Variants in RNASEH2C observed in about 807,000 individuals in gnomAD.
RNASEH2C encodes ribonuclease H2 subunit C, also known as RNase H1 small subunit.
In RNASEH2C, 20 loss-of-function variants were observed where a neutral mutation model predicts 16.3. That is an observed-to-expected ratio of 1.23 (90% CI 0.86 to 1.79). The LOEUF (loss-of-function observed/expected upper bound fraction) is 1.79, where lower values mean the gene tolerates loss of function less well. Ranked by LOEUF, RNASEH2C falls within the 40% of genes most tolerant of loss-of-function variation. RNASEH2C has a pLI of 0.00. For synonymous variants in RNASEH2C, 106 were observed against 98.9 expected, an observed-to-expected ratio of 1.07 and a Z score of -0.43; for missense variants, 296 against 235.9, an observed-to-expected ratio of 1.25 and a Z score of -1.67.
In RNASEH2C at chr11:65,718,799, C is replaced by T. The variant is rs763815597; in HGVS notation, c.*984G>A. ...GGGTACATGGCATGGCTTGTCTGTT[C>T]CTGGGCTTTCTCTCTCAGGGCTCCT... is the stretch of plus-strand genomic sequence containing the variant. On this transcript the variant is annotated 3_prime_UTR_variant, in exon 4 of 4. Coordinates refer to ENST00000308418, the MANE Select transcript of RNASEH2C (RefSeq NM_032193.4). The T allele has an allele frequency of 4.3e-6, 7 of 1,613,732 alleles. No homozygotes were observed. The Admixed American group carries it at 1.0e-4, about 23-fold the overall frequency.
rs1002184159 is a variant in RNASEH2C, at chr11:65,718,371, C to A, written c.*1412G>T. The stretch of plus-strand genomic sequence containing the variant: ...CATGGTTGACTGCAGCTGCTCCTCT[C>A]AGTGCCCTCATGCCCTCCACTGTGC... On this transcript the variant is annotated 3_prime_UTR_variant, in exon 4 of 4. Coordinates refer to ENST00000308418, the MANE Select transcript of RNASEH2C (RefSeq NM_032193.4). The A allele has an allele frequency of 8.9e-5, 47 of 529,150 alleles. No individual in the cohort carries two copies. The highest frequency in any genetic ancestry group is 1.4e-4 in the Non-Finnish European group (41 of 295,254). The allele number at this position is 529,150 out of a possible 1,614,324, so 32.8% of individuals were successfully genotyped here.
rs1412096570 is a variant in RNASEH2C, at chr11:65,719,696, C to G, written c.*87G>C. 4 of 1,430,872 alleles carry G rather than the reference C, an allele frequency of 2.8e-6. No individual in the cohort carries two copies. The East Asian group carries it at 6.8e-5, about 24-fold the overall frequency. The allele number at this position is 1,430,872 out of a possible 1,614,324, so 88.6% of individuals were successfully genotyped here. ...CCAGACTCACAGGTGCTGTGAAGAG[C>G]TCCTTTATTGGGGTGATGGAATCGG... On this transcript the variant is annotated 3_prime_UTR_variant, in exon 4 of 4. Coordinates refer to ENST00000308418, the MANE Select transcript of RNASEH2C (RefSeq NM_032193.4).
chr11:65,719,848 CAG>C (rs760386692), intron 3 of RNASEH2C, 39 bp from the exon 4 acceptor site: 2 of 1,613,728 alleles, frequency 1.2e-6, no homozygotes, highest in South Asian at 1.1e-5. Context: ...ACTTGTAAGA[CAG>C]GGCGGCAAGC....
chr11:65,720,505 G>A, intron 1 of RNASEH2C, 82 bp downstream of exon 1: 1 of 1,571,732 alleles, frequency 6.4e-7, no homozygotes, highest in Non-Finnish European at 8.6e-7. Context: ...GACGGACCAC[G>A]ATCCCCAGGA....
Position 65,718,504 on chromosome 11 carries a change from A to G in RNASEH2C, c.*1279T>C. ...GGCAGGGCCATGATAGGAACTAGGC[A>G]GCCTGCCTTGGCAACCTGTGTTTTT... On this transcript the variant is annotated 3_prime_UTR_variant, in exon 4 of 4. Transcript: ENST00000308418. The G allele has an allele frequency of 7.0e-7, 1 of 1,426,118 alleles. No individual in the cohort carries two copies. Among genetic ancestry groups the G allele is most frequent in the Non-Finnish European group, 9.7e-7 (1 of 1,035,826 alleles). The allele number at this position is 1,426,118 out of a possible 1,614,324, so 88.3% of individuals were successfully genotyped here. A position where few individuals can be genotyped will look rare whatever the true frequency, so the allele number is the denominator to read the frequency against.
chr11:65,719,511 A>T lies in RNASEH2C; in HGVS notation c.*272T>A. On this transcript the variant is annotated 3_prime_UTR_variant, in exon 4 of 4. Coordinates refer to ENST00000308418, the MANE Select transcript of RNASEH2C (RefSeq NM_032193.4). ...GTGATTGTAAAAATTTCTTTTGTAA[A>T]GTAGAAGTTGGGGGTGGGGTGGGTG... The T allele has an allele frequency of 1.6e-6, 1 of 611,366 alleles. No homozygotes were observed. Among genetic ancestry groups the T allele is most frequent in the East Asian group, 2.7e-5 (1 of 36,508 alleles). 37.9% of individuals were successfully genotyped at this position (611,366 alleles called of 1,614,324 possible).
Position 65,720,613 on chromosome 11 carries a change from G to A in RNASEH2C, c.146C>T (p.Thr49Met), listed in dbSNP as rs991143662. The A allele has an allele frequency of 1.3e-6, 2 of 1,545,240 alleles. No homozygotes were observed. Among genetic ancestry groups the A allele is most frequent in the Non-Finnish European group, 1.7e-6 (2 of 1,149,282 alleles). Residue 49 changes from threonine to methionine, a missense_variant, in exon 1 of 4, where the codon ACG becomes ATG. Physicochemically the swap from Thr to Met is moderately conservative, Grantham distance 81 (BLOSUM62 -1). Transcript: ENST00000308418. ...DGPAPVGRFFTPAIRQGPEGL... is the reference protein window; with the variant it reads ...DGPAPVGRFFMPAIRQGPEGL... ...CTCGGGGCCCTGGCGGATGGCGGGC[G>A]TGAAGAAGCGCCCCACCGGGGCGGG...
In RNASEH2C at chr11:65,720,777, C is replaced by G. The variant is rs772496571; in HGVS notation, c.-19G>C. ...TCTCCATCCTCCCTCCTACGCGACG[C>G]CAGGGCTCGCGAGCTGACACTGAAG... On this transcript the variant is annotated 5_prime_UTR_variant, in exon 1 of 4. Transcript: ENST00000308418. 2 of 1,571,860 alleles carry G rather than the reference C, an allele frequency of 1.3e-6. No individual in the cohort carries two copies. The highest frequency in any genetic ancestry group is 1.8e-5 in the Admixed American group (1 of 56,612).
At chr11:65,719,970 T>A (rs1857340263) in intron 3 of RNASEH2C, 75 bp downstream of exon 3, 2 of 1,609,142 alleles carry the variant, frequency 1.2e-6, no homozygotes, top group East Asian at 4.5e-5. Context: ...AGTAGAATCC[T>A]CCAGGCTCCG....
rs777256233 is a variant in RNASEH2C at position 65,720,132 on chromosome 11, G to A, written c.381C>T (p.Ser127=). 1.2e-6 allele frequency: 2 copies of A among 1,614,244 alleles called. No individual in the cohort carries two copies. The highest frequency in any genetic ancestry group is 1.1e-5 in the South Asian group (1 of 91,088). The stretch of plus-strand genomic sequence containing the variant: ...TCTCCAGACCCCACAGGGTGAAGCG[G>A]CTGAAGTTGGCAGTGGCTCCAATGA... ...DRFIGATANF[S]RFTLWGLETI... Residue 127 remains serine (S), a synonymous_variant, in exon 3 of 4, where the codon AGC becomes AGT. Coordinates refer to ENST00000308418, the MANE Select transcript of RNASEH2C (RefSeq NM_032193.4).
In RNASEH2C at chr11:65,720,321, T is replaced by G. The variant is rs772347588; in HGVS notation, c.269A>C (p.Lys90Thr). 2.2e-5 allele frequency: 36 copies of G among 1,601,800 alleles called. No individual in the cohort carries two copies. The South Asian group carries it at 3.9e-4, about 17-fold the overall frequency. Residue 90 changes from lysine (K) to threonine (T), a missense_variant, in exon 2 of 4, where the codon AAG becomes ACG. Physicochemically the swap from Lys to Thr is moderately conservative, Grantham distance 78. Transcript: ENST00000308418. Reference sequence around the variant, plus strand: ...GGGGTCTGGCTTCCCCATCGACACCTTCTTCTCTTCTGTCACCATCACGTA... The same window carrying G: ...GGGGTCTGGCTTCCCCATCGACACCGTCTTCTCTTCTGTCACCATCACGTA... Reference protein sequence around the residue: ...VGYVMVTEEKKVSMGKPDPLR... With the variant: ...VGYVMVTEEKTVSMGKPDPLR...
chr11:65,720,177 C>T lies in RNASEH2C; in HGVS notation c.349-13G>A, dbSNP rs759257077. On this transcript the variant is annotated splice_polypyrimidine_tract_variant and intron_variant, in intron 2 of 3. Transcript: ENST00000308418. ...CAATGAAGCGGTCCTGGGGAAGGGG[C>T]CTGGCTCAGCATCGGGACTACAGCT... 1.6e-5 allele frequency: 26 copies of T among 1,614,134 alleles called. No homozygotes were observed. Among genetic ancestry groups the T allele is most frequent in the Non-Finnish European group, 2.0e-5 (24 of 1,180,048 alleles).
Position 65,720,097 on chromosome 11 carries a change from C to T in RNASEH2C, c.416G>A (p.Gly139Asp), listed in dbSNP as rs1857345772. The T allele has an allele frequency of 6.2e-7, 1 of 1,614,208 alleles. No homozygotes were observed. The highest frequency in any genetic ancestry group is 8.5e-7 in the Non-Finnish European group (1 of 1,180,054). Residue 139 changes from glycine to aspartate, a missense_variant, in exon 3 of 4, where the codon GGC (glycine) becomes GAC (aspartate). Coordinates refer to ENST00000308418, the MANE Select transcript of RNASEH2C (RefSeq NM_032193.4). ...FTLWGLETIP[G>D]PDAKVRGALT... is the part of the protein sequence containing the mutation. Reference sequence around the variant, plus strand: ...GGCCCCACGCACTTTGGCATCCGGGCCAGGGATGGTCTCCAGACCCCACAG... The same window carrying T: ...GGCCCCACGCACTTTGGCATCCGGGTCAGGGATGGTCTCCAGACCCCACAG...
Position 65,720,790 on chromosome 11 carries a change from G to A in RNASEH2C, c.-32C>T, listed in dbSNP as rs1372562265. ...TCCTACGCGACGCCAGGGCTCGCGAGCTGACACTGAAGCTGGCGCGGAAAG... is the reference window on the plus strand; with the variant it reads ...TCCTACGCGACGCCAGGGCTCGCGAACTGACACTGAAGCTGGCGCGGAAAG... On this transcript the variant is annotated 5_prime_UTR_variant, in exon 1 of 4. Transcript: ENST00000308418. The A allele has an allele frequency of 4.5e-6, 7 of 1,565,696 alleles. No individual in the cohort carries two copies. Among genetic ancestry groups the A allele is most frequent in the Middle Eastern group, 2.2e-4 (1 of 4,638 alleles).
chr11:65,719,811 T>C lies in RNASEH2C; in HGVS notation c.469-2A>G. 6 of 1,614,154 alleles carry C rather than the reference T, an allele frequency of 3.7e-6. No homozygotes were observed. Among genetic ancestry groups the C allele is most frequent in the Non-Finnish European group, 5.1e-6 (6 of 1,180,016 alleles). ...GTCCTCGGGCACCTGTGCGTGAATC[T>C]GCAACAGGAGTCGCCTCTACTGTTG... is the stretch of plus-strand genomic sequence containing the variant. On this transcript the variant is annotated splice_acceptor_variant, in intron 3 of 3. Coordinates refer to ENST00000308418, the MANE Select transcript of RNASEH2C (RefSeq NM_032193.4). LOFTEE classifies it high-confidence loss of function.
At position 65,720,379 on chromosome 11, in the gene RNASEH2C, C is replaced by T. The variant is rs781404325; in HGVS notation, c.211G>A (p.Glu71Lys). 34 of 1,614,100 alleles carry T rather than the reference C, an allele frequency of 2.1e-5. No homozygotes were observed. Among genetic ancestry groups the T allele is most frequent in the Non-Finnish European group, 2.6e-5 (31 of 1,180,060 alleles). The change falls in exon 2 of 4, where the codon GAG (glutamate) becomes AAG (lysine). Residue 71 changes from glutamate (E) to lysine (K), a missense_variant. Transcript: ENST00000308418. ...AGGCCAGGCGGCACCGCCACCTCCTCTCCCCGTAGACAGCGGCCCCGAAAC... is the reference window on the plus strand; with the variant it reads ...AGGCCAGGCGGCACCGCCACCTCCTTTCCCCGTAGACAGCGGCCCCGAAAC... Reference protein sequence around the residue: ...VSFRGRCLRGEEVAVPPGLVG... With the variant: ...VSFRGRCLRGKEVAVPPGLVG...
chr11:65,720,711 C>A lies in RNASEH2C; in HGVS notation c.48G>T (p.Leu16Phe), dbSNP rs771086438. Residue 16 changes from leucine (L) to phenylalanine (F), a missense_variant, in exon 1 of 4, where the codon TTG becomes TTT. Transcript: ENST00000308418. ...CGGCGTCGCGCAATGTGGCGGAGCGCAAGTGGACGCGGTGCCTCTCGATGG... is the reference window on the plus strand; with the variant it reads ...CGGCGTCGCGCAATGTGGCGGAGCGAAAGTGGACGCGGTGCCTCTCGATGG... Reference protein sequence around the residue: ...EAAIERHRVHLRSATLRDAVP... With the variant: ...EAAIERHRVHFRSATLRDAVP... 1 of 1,597,418 alleles carries A rather than the reference C, an allele frequency of 6.3e-7. No homozygotes were observed. Among genetic ancestry groups the A allele is most frequent in the Admixed American group, 1.7e-5 (1 of 59,170 alleles).
chr11:65,720,188 A>T, intron 2 of RNASEH2C, 24 bp from the exon 3 acceptor site: 1 of 1,614,230 alleles, frequency 6.2e-7, no homozygotes, highest in Non-Finnish European at 8.5e-7. Flanking sequence ...CTGGCTCAGC[A>T]TCGGGACTAC....
chr11:65,719,256 TC>T lies in RNASEH2C; in HGVS notation c.*526del, dbSNP rs1173399575. The T allele has an allele frequency of 2.6e-6, 4 of 1,539,478 alleles. No individual in the cohort carries two copies. The East Asian group carries it at 9.0e-5, about 35-fold the overall frequency. On this transcript the variant is annotated 3_prime_UTR_variant, in exon 4 of 4. Transcript: ENST00000308418. ...TAGCCCACCCCGCCCCCACTGCAGC[TC>T]CCACAAAGCACTCTAAGGGAGATGG...
Sources: allele counts gnomAD v4.1 joint callset, GRCh38; gene constraint gnomAD v4.1.1; transcripts MANE v1.5; gene names NCBI Gene and HGNC (gene_info 2026-07-23, HGNC 2026-07-21).